Variants in KCND2 observed in about 807,000 individuals in gnomAD.
The protein encoded by KCND2 is A-type voltage-gated potassium channel KCND2.
KCND2 carries 16 observed loss-of-function variants against 54.4 expected under a neutral mutation model. The observed-to-expected ratio is 0.29, with a 90% CI of 0.20 to 0.45. KCND2 has a LOEUF of 0.45. KCND2 is among the 20% of genes least tolerant of loss of function. The pLI is 1.00. For missense variants in KCND2, 486 were observed against 824.2 expected, an observed-to-expected ratio of 0.59 and a Z score of 5.02; for synonymous variants, 317 against 310.7, an observed-to-expected ratio of 1.02 and a Z score of -0.21.
chr7:120,644,117 A>G (rs551689099), intron 1 of KCND2, among the ~76,000 whole-genome samples: 1 of 152,210 alleles, frequency 6.6e-6, no homozygotes, highest in Admixed American at 6.5e-5. Flanking sequence ...CTCTCTGCAG[A>G]GACACAACTT....
intron 1 of KCND2, among the ~76,000 whole-genome samples, chr7:120,649,561 C>A (rs1227536608): frequency 6.6e-6 from 1 of 151,936 alleles, no homozygotes; most frequent in African/African-American, 2.4e-5. Context: ...TAAATGTCTT[C>A]TCTTGAGAAG....
At chr7:120,526,846 A>G (rs1791782883) in intron 1 of KCND2, among the ~76,000 whole-genome samples, 1 of 152,144 alleles carries the variant, frequency 6.6e-6, no homozygotes, top group Non-Finnish European at 1.5e-5. Context: ...TTCTATTGAC[A>G]TGTCATTAAT....
chr7:120,372,621 T>C (rs1190859592), intron 1 of KCND2, among the ~76,000 whole-genome samples: 2 of 151,926 alleles, frequency 1.3e-5, no homozygotes, highest in African/African-American at 4.8e-5. Context: ...TATAAAGAAC[T>C]ACCTGTTTTA....
chr7:120,718,151 A>G (rs1227918005), intron 1 of KCND2, among the ~76,000 whole-genome samples: 4 of 152,152 alleles, frequency 2.6e-5, no homozygotes, highest in African/African-American at 9.7e-5. Context: ...CACTTACCCC[A>G]AAGATGTATT....
chr7:120,505,711 T>C (rs938992610), intron 1 of KCND2, among the ~76,000 whole-genome samples: 3 of 151,738 alleles, frequency 2.0e-5, no homozygotes, highest in African/African-American at 7.3e-5. Context: ...AAGCTATGAA[T>C]AGCTGTACAG....
intron 1 of KCND2, among the ~76,000 whole-genome samples, chr7:120,716,871 G>A (rs528560514): frequency 3.7e-4 from 57 of 152,160 alleles, no homozygotes; most frequent in African/African-American, 1.3e-3. Context: ...AGGGAGATAT[G>A]CTCCAAGATC....
intron 1 of KCND2, among the ~76,000 whole-genome samples, chr7:120,550,800 A>G (rs888329303): frequency 6.6e-6 from 1 of 152,198 alleles, no homozygotes; most frequent in South Asian, 2.1e-4. Flanking sequence ...AGGCAAAGTA[A>G]TATGTCACTT....
At chr7:120,604,504 AAATAAC>A (rs1328649846) in intron 1 of KCND2, among the ~76,000 whole-genome samples, 13 of 82,690 alleles carry the variant, frequency 1.6e-4, no homozygotes, top group African/African-American at 5.7e-4. Flanking sequence ...CTCCATCTAA[AAATAAC>A]AATAATAATA....
At chr7:120,531,338 A>C (rs1343457266) in intron 1 of KCND2, among the ~76,000 whole-genome samples, 1 of 152,040 alleles carries the variant, frequency 6.6e-6, no homozygotes, top group Non-Finnish European at 1.5e-5. Flanking sequence ...TTACCCATGC[A>C]CTTCCCTATT....
chr7:120,335,471 A>AC (rs1395610311), intron 1 of KCND2, among the ~76,000 whole-genome samples: 11 of 91,126 alleles, frequency 1.2e-4, no homozygotes, highest in African/African-American at 4.7e-4. Flanking sequence ...TTACTTACTT[A>AC]TTTATTTATT....
chr7:120,470,543 A>G (rs1324616614), intron 1 of KCND2, among the ~76,000 whole-genome samples: 2 of 152,060 alleles, frequency 1.3e-5, no homozygotes. Context: ...TCCTCCTCCC[A>G]GAGTTCCTTA....
intron 1 of KCND2, among the ~76,000 whole-genome samples, chr7:120,420,324 A>G (rs1290783732): frequency 2.0e-5 from 3 of 152,238 alleles, no homozygotes; most frequent in East Asian, 1.9e-4. Context: ...CCACAAATTT[A>G]TAAAGAAAAG....
intron 1 of KCND2, among the ~76,000 whole-genome samples, chr7:120,526,171 C>T (rs1270882676): frequency 6.6e-6 from 1 of 152,144 alleles, no homozygotes; most frequent in Non-Finnish European, 1.5e-5. Context: ...TATGAATTTT[C>T]ATGTACAATT....
At chr7:120,551,226 A>T (rs1434582959) in intron 1 of KCND2, among the ~76,000 whole-genome samples, 1 of 152,252 alleles carries the variant, frequency 6.6e-6, no homozygotes, top group Non-Finnish European at 1.5e-5. Flanking sequence ...TTTTAAGCAT[A>T]TAAAAATTCT....
At chr7:120,697,781 G>A (rs1457590505) in intron 1 of KCND2, among the ~76,000 whole-genome samples, 3 of 152,056 alleles carry the variant, frequency 2.0e-5, no homozygotes, top group Non-Finnish European at 4.4e-5. Flanking sequence ...AAATATAATT[G>A]GAAGGACCTA....
rs763897007 is a variant in KCND2 at position 120,289,037 on chromosome 7, AACAC to A, written c.1115+13328_1115+13331del. On this transcript the variant is annotated intron_variant, in intron 1 of 5. Coordinates refer to ENST00000331113, the MANE Select transcript of KCND2 (RefSeq NM_012281.3). ...GCAGAGGTGGGAGGGCAGAGACACAAACACACACACACACACACACACACACACA... is the reference window on the plus strand; with the variant it reads ...GCAGAGGTGGGAGGGCAGAGACACAAACACACACACACACACACACACACA... 3.1e-3 allele frequency among the ~76,000 whole-genome samples: 194 copies of A among 62,214 alleles called. 1 individual carries two copies. Among genetic ancestry groups the A allele is most frequent in the African/African-American group, 6.5e-3 (189 of 29,034 alleles). 40.8% of individuals were successfully genotyped at this position (62,214 alleles called of 152,430 possible). A position where few individuals can be genotyped will look rare whatever the true frequency, so the allele number is the denominator to read the frequency against.
At chr7:120,530,337 A>T (rs1040237678) in intron 1 of KCND2, among the ~76,000 whole-genome samples, 1 of 152,160 alleles carries the variant, frequency 6.6e-6, no homozygotes, top group African/African-American at 2.4e-5. Flanking sequence ...AAAAAGAAAG[A>T]TGAGGACTAA....
intron 1 of KCND2, among the ~76,000 whole-genome samples, chr7:120,528,917 T>G (rs1562864748): frequency 6.6e-6 from 1 of 152,202 alleles, no homozygotes; most frequent in Non-Finnish European, 1.5e-5. Flanking sequence ...TATAGCTAAT[T>G]GCTTCCTACA....
chr7:120,666,967 A>G (rs1463709717), intron 1 of KCND2, among the ~76,000 whole-genome samples: 2 of 152,030 alleles, frequency 1.3e-5, no homozygotes, highest in Middle Eastern at 3.2e-3. Context: ...TCAAAGAACA[A>G]TTGCAGAAAG....
Sources: gnomAD v4.1 joint callset for allele counts (sites outside exome capture counted in the v4.1 genomes callset) on GRCh38, gnomAD v4.1.1 for gene constraint, MANE v1.5 for transcripts, NCBI Gene and HGNC (gene_info 2026-07-23, HGNC 2026-07-21) for gene names.